The following MYO5A variants were observed in gnomAD, a reference collection of about 807,000 sequenced individuals.
The protein encoded by MYO5A is myosin VA, also known as unconventional myosin-Va.
In MYO5A, 98 loss-of-function variants were observed where a neutral mutation model predicts 249.7. The observed-to-expected ratio is 0.39, with a 90% CI of 0.33 to 0.46. MYO5A has a LOEUF of 0.46. MYO5A is among the 20% of genes least tolerant of loss of function. The pLI, the probability that MYO5A is intolerant of heterozygous loss-of-function variation, is 0.98. For missense variants in MYO5A, 1,696 were observed against 2,308.8 expected (o/e 0.73, Z 5.44); for synonymous variants, 778 against 810.6 (o/e 0.96, Z 0.68).
chr15:52,516,633 A>C (rs2077501803), intron 1 of MYO5A, among the ~76,000 whole-genome samples: 1 of 152,186 alleles, frequency 6.6e-6, no homozygotes, highest in South Asian at 2.1e-4. Flanking sequence ...ACACCTTCTG[A>C]CTGCTATAAA....
intron 23 of MYO5A, among the ~76,000 whole-genome samples, chr15:52,365,425 A>C (rs1017362683): frequency 3.3e-5 from 5 of 152,142 alleles, no homozygotes; most frequent in African/African-American, 1.2e-4. Flanking sequence ...TTAGCCCTTG[A>C]CTGCAGATGA....
At chr15:52,389,446 A>ATTT in intron 12 of MYO5A, 83 bp from the exon 13 acceptor site, 2 of 1,032,892 alleles carry the variant, frequency 1.9e-6, no homozygotes, top group African/African-American at 1.6e-5. Flanking sequence ...AAGATCTTTT[A>ATTT]TTTTTTTTTT....
intron 1 of MYO5A, among the ~76,000 whole-genome samples, chr15:52,509,399 T>C (rs2077345159): frequency 6.6e-6 from 1 of 152,182 alleles, no homozygotes; most frequent in African/African-American, 2.4e-5. Context: ...CTCTGGCTAA[T>C]CTCTGTTTAA....
chr15:52,380,494 G>A (rs956396190), intron 16 of MYO5A, among the ~76,000 whole-genome samples: 5 of 151,856 alleles, frequency 3.3e-5, no homozygotes, highest in Non-Finnish European at 5.9e-5. Context: ...ATGGCTGGGC[G>A]CAGTGGCTCA....
chr15:52,378,265 G>A (rs762634523), intron 18 of MYO5A, among the ~76,000 whole-genome samples: 5 of 151,966 alleles, frequency 3.3e-5, no homozygotes, highest in Middle Eastern at 3.2e-3. Context: ...GCTCACACCT[G>A]TAATCCCAGC....
At chr15:52,501,028 G>C (rs1430912301) in intron 1 of MYO5A, among the ~76,000 whole-genome samples, 1 of 151,578 alleles carries the variant, frequency 6.6e-6, no homozygotes, top group Non-Finnish European at 1.5e-5. Context: ...GGAGTGCAGT[G>C]GCAAGATCTT....
intron 1 of MYO5A, among the ~76,000 whole-genome samples, chr15:52,491,271 G>C (rs900928351): frequency 1.3e-5 from 2 of 152,160 alleles, no homozygotes; most frequent in African/African-American, 4.8e-5. Flanking sequence ...GTTGAATTAA[G>C]AGGGACTTAA....
chr15:52,367,714 A>G (rs940449759), intron 22 of MYO5A, among the ~76,000 whole-genome samples: 1 of 152,188 alleles, frequency 6.6e-6, no homozygotes, highest in African/African-American at 2.4e-5. Context: ...TTTCTCTTTC[A>G]TCTCCCTTTA....
Position 52,309,267 on chromosome 15 carries a change from C to T in MYO5A, c.*4429G>A, listed in dbSNP as rs1222438592. The T allele has an allele frequency of 6.6e-6, 1 of 152,192 alleles. No individual in the cohort carries two copies. Among genetic ancestry groups the T allele is most frequent in the Non-Finnish European group, 1.5e-5 (1 of 68,042 alleles). 9.4% of individuals were successfully genotyped at this position (152,192 alleles called of 1,614,324 possible). ...GAGTATTGCATCCTCCCAGAGAGCA[C>T]TGATTCATGACAGAAGTCAAGCTGA... is the stretch of plus-strand genomic sequence containing the variant. On this transcript the variant is annotated 3_prime_UTR_variant, in exon 42 of 42. Coordinates refer to ENST00000399233, the MANE Select transcript of MYO5A (RefSeq NM_001382347.1).
chr15:52,392,073 GAAATGA>G lies in MYO5A; in HGVS notation c.1402-9_1402-4del. 1.2e-6 allele frequency: 2 copies of G among 1,608,912 alleles called. No individual in the cohort carries two copies. Among genetic ancestry groups the G allele is most frequent in the Non-Finnish European group, 1.7e-6 (2 of 1,178,288 alleles). ...TCTTGCTCCAATTTGAAGACATGCT[GAAATGA>G]AAAAGAAAAAAAGCAGTCATTACTG... is the stretch of plus-strand genomic sequence containing the variant. On this transcript the variant is annotated splice_polypyrimidine_tract_variant and splice_region_variant and intron_variant, in intron 11 of 41. Transcript: ENST00000399233.
chr15:52,403,082 A>G (rs756302235), intron 9 of MYO5A, among the ~76,000 whole-genome samples: 199 of 152,320 alleles, frequency 1.3e-3, no homozygotes, highest in Non-Finnish European at 2.4e-3. Context: ...AGACATCTCA[A>G]ATAGGAAAAC....
At chr15:52,378,966 T>C (rs1012571965) in intron 18 of MYO5A, among the ~76,000 whole-genome samples, 2 of 152,220 alleles carry the variant, frequency 1.3e-5, no homozygotes, top group Non-Finnish European at 2.9e-5. Flanking sequence ...AGACTCTCTG[T>C]AACACCAACC....
chr15:52,397,474 A>C lies in MYO5A; in HGVS notation c.1054-8T>G. ...GAGAGGTTCATGCTTGGGCTGCCAA[A>C]AGATAATGAGTTATTTCCTATGACC... On this transcript the variant is annotated splice_polypyrimidine_tract_variant and splice_region_variant and intron_variant, in intron 9 of 41. Coordinates refer to ENST00000399233, the MANE Select transcript of MYO5A (RefSeq NM_001382347.1). 6.2e-7 allele frequency: 1 copy of C among 1,613,508 alleles called. No individual in the cohort carries two copies. Among genetic ancestry groups the C allele is most frequent in the Non-Finnish European group, 8.5e-7 (1 of 1,179,496 alleles).
chr15:52,336,308 C>G (rs1487651891), intron 34 of MYO5A, among the ~76,000 whole-genome samples, 155 bp downstream of exon 34: 2 of 152,188 alleles, frequency 1.3e-5, no homozygotes, highest in Non-Finnish European at 2.9e-5. Context: ...ATGTAAATTT[C>G]TACTCAAAAG....
At chr15:52,475,298 C>A (rs528501762) in intron 1 of MYO5A, among the ~76,000 whole-genome samples, 2 of 152,092 alleles carry the variant, frequency 1.3e-5, no homozygotes, top group African/African-American at 2.4e-5. Flanking sequence ...AGTAGTCTTG[C>A]TAGCAGTCTA....
intron 1 of MYO5A, chr15:52,438,019 C>T: frequency 1.0e-6 from 1 of 984,614 alleles, no homozygotes; most frequent in Non-Finnish European, 1.2e-6. Context: ...AGAAACCATT[C>T]TATTATTACC....
chr15:52,338,148 C>CT (rs5812597), intron 32 of MYO5A, among the ~76,000 whole-genome samples: 5,535 of 151,278 alleles, frequency 0.037, 340 homozygotes, highest in African/African-American at 0.13. Context: ...CCAGATAAGG[C>CT]TGTCATTTCC....
rs1385966599 is a variant in MYO5A at position 52,307,587 on chromosome 15, C to T, written c.*6109G>A. ...TGCCTTTCATGTCTCAGTATTTCTG[C>T]TTCCTTTTTAATGGGTAAATGTTTC... On this transcript the variant is annotated 3_prime_UTR_variant, in exon 42 of 42. Transcript: ENST00000399233. 6.6e-6 allele frequency: 1 copy of T among 152,050 alleles called. No homozygotes were observed. Among genetic ancestry groups the T allele is most frequent in the African/African-American group, 2.4e-5 (1 of 41,408 alleles). 9.4% of individuals were successfully genotyped at this position (152,050 alleles called of 1,614,324 possible).
At chr15:52,407,050 T>G (rs888576555) in intron 8 of MYO5A, among the ~76,000 whole-genome samples, 2 of 152,182 alleles carry the variant, frequency 1.3e-5, no homozygotes, top group African/African-American at 4.8e-5. Context: ...ATTCACCCAT[T>G]CAATGATTTT....
Sources: allele counts gnomAD v4.1 joint callset (sites outside exome capture counted in the v4.1 genomes callset), GRCh38; gene constraint gnomAD v4.1.1; transcripts MANE v1.5; gene names NCBI Gene and HGNC (gene_info 2026-07-23, HGNC 2026-07-21).